The following NKAIN3 variants were observed in gnomAD, a reference collection of about 807,000 sequenced individuals.
The protein encoded by NKAIN3 is sodium/potassium-transporting ATPase subunit beta-1-interacting protein 3.
Under a neutral mutation model 30.2 loss-of-function variants are expected in NKAIN3, and 25 were observed. The ratio of observed to expected loss-of-function variants is 0.83; its 90% CI spans 0.60 to 1.16. The LOEUF (loss-of-function observed/expected upper bound fraction) is 1.16, where lower values mean the gene tolerates loss of function less well. NKAIN3 is among the 50% of genes most tolerant of loss of function. NKAIN3 has a pLI of 0.00. For synonymous variants in NKAIN3, 91 were observed against 89.6 expected, an observed-to-expected ratio of 1.02 and a Z score of -0.09; for missense variants, 225 against 254.1, an observed-to-expected ratio of 0.89 and a Z score of 0.78.
chr8:62,254,621 T>C (rs1006850536), intron 1 of NKAIN3, among the ~76,000 whole-genome samples: 13 of 95,432 alleles, frequency 1.4e-4, no homozygotes, highest in Non-Finnish European at 2.7e-4. Flanking sequence ...TCAAATTATA[T>C]CTTTTGATTT....
rs180791990 is a variant in NKAIN3 at position 62,974,764 on chromosome 8, T to C, written c.*9357T>C. On this transcript the variant is annotated 3_prime_UTR_variant, in exon 7 of 7. Transcript: ENST00000623646. ...CAGTTTTCAAAGGGAGTGCTTCCAG[T>C]TTTTGCCCATTCAGTGTGATATTGG... 6.6e-6 allele frequency among the ~76,000 whole-genome samples: 1 copy of C among 152,142 alleles called. No homozygotes were observed. The highest frequency in any genetic ancestry group is 2.4e-5 in the African/African-American group (1 of 41,412).
At chr8:62,294,584 A>G (rs929248289) in intron 1 of NKAIN3, among the ~76,000 whole-genome samples, 3 of 152,168 alleles carry the variant, frequency 2.0e-5, no homozygotes, top group African/African-American at 4.8e-5. Flanking sequence ...GCCTTACTCT[A>G]TCACCCAGAT....
chr8:62,403,621 C>T (rs565736526), intron 1 of NKAIN3, among the ~76,000 whole-genome samples: 63 of 152,312 alleles, frequency 4.1e-4, no homozygotes, highest in Admixed American at 1.5e-3. Flanking sequence ...TGAGGGTGCA[C>T]AGAAGACAAG....
chr8:62,928,338 CTCTCTCTT>C (rs1181179551), intron 5 of NKAIN3, among the ~76,000 whole-genome samples: 1 of 152,184 alleles, frequency 6.6e-6, no homozygotes, highest in African/African-American at 2.4e-5. Context: ...CTCTCTCCCT[CTCTCTCTT>C]TCTCGCTGAT....
At chr8:62,349,142 T>C (rs56864965) in intron 1 of NKAIN3, among the ~76,000 whole-genome samples, 5,957 of 152,274 alleles carry the variant, frequency 0.039, 422 homozygotes, top group African/African-American at 0.14. Flanking sequence ...CATTAGTTCT[T>C]GGGACTATTG....
At chr8:62,314,730 G>A (rs1020281163) in intron 1 of NKAIN3, among the ~76,000 whole-genome samples, 1 of 152,144 alleles carries the variant, frequency 6.6e-6, no homozygotes, top group African/African-American at 2.4e-5. Context: ...TGCCCTTGTG[G>A]TGTTTACGTC....
intron 3 of NKAIN3, among the ~76,000 whole-genome samples, chr8:62,628,341 C>G (rs1811851147): frequency 6.6e-6 from 1 of 152,124 alleles, no homozygotes. Context: ...TATTGATGTA[C>G]TAAAGTTTTC....
intron 4 of NKAIN3, among the ~76,000 whole-genome samples, chr8:62,867,259 T>C (rs1820455950): frequency 6.6e-6 from 1 of 152,180 alleles, no homozygotes; most frequent in South Asian, 2.1e-4. Flanking sequence ...CATCATGTCA[T>C]ATCAGGCAAT....
intron 4 of NKAIN3, among the ~76,000 whole-genome samples, chr8:62,765,170 C>G (rs776919161): frequency 4.3e-5 from 6 of 141,106 alleles, no homozygotes; most frequent in Non-Finnish European, 7.5e-5. Flanking sequence ...TCGTGTGAAC[C>G]CGGGAGGCGG....
At chr8:62,507,329 AG>A (rs1807674186) in intron 1 of NKAIN3, among the ~76,000 whole-genome samples, 1 of 152,202 alleles carries the variant, frequency 6.6e-6, no homozygotes, top group African/African-American at 2.4e-5. Context: ...CAACGTAATC[AG>A]TACCTCAGCA....
At chr8:62,642,043 T>G (rs1812324366) in intron 3 of NKAIN3, among the ~76,000 whole-genome samples, 1 of 152,066 alleles carries the variant, frequency 6.6e-6, no homozygotes, top group African/African-American at 2.4e-5. Flanking sequence ...AATCAGACCA[T>G]GCAACCGCAC....
chr8:62,577,060 G>C (rs958049010), intron 1 of NKAIN3, among the ~76,000 whole-genome samples: 12 of 152,030 alleles, frequency 7.9e-5, no homozygotes, highest in African/African-American at 2.9e-4. Flanking sequence ...AAGGCTTGTT[G>C]TTTTTAGTTA....
intron 4 of NKAIN3, among the ~76,000 whole-genome samples, chr8:62,870,701 ATC>A (rs1491223404): frequency 1.0e-4 from 14 of 139,806 alleles, no homozygotes; most frequent in South Asian, 4.2e-4. Flanking sequence ...CTATCTATAT[ATC>A]TATATATCTA....
intron 1 of NKAIN3, among the ~76,000 whole-genome samples, chr8:62,287,006 G>A (rs970612426): frequency 1.3e-5 from 2 of 151,266 alleles, no homozygotes; most frequent in East Asian, 4.0e-4. Context: ...TATTTCAACT[G>A]GGGCATGGAA....
intron 1 of NKAIN3, among the ~76,000 whole-genome samples, chr8:62,307,390 C>T (rs533397764): frequency 6.7e-6 from 1 of 149,936 alleles, no homozygotes; most frequent in Non-Finnish European, 1.5e-5. Context: ...CTCTTTATCC[C>T]CTCCTCTGTC....
intron 1 of NKAIN3, among the ~76,000 whole-genome samples, chr8:62,267,380 T>G (rs371132161): frequency 3.3e-5 from 5 of 152,184 alleles, no homozygotes; most frequent in South Asian, 4.1e-4. Flanking sequence ...ATGGTAAAAT[T>G]TCAGTGTTTT....
At chr8:62,899,008 T>C (rs1228572780) in intron 4 of NKAIN3, among the ~76,000 whole-genome samples, 1 of 152,142 alleles carries the variant, frequency 6.6e-6, no homozygotes, top group African/African-American at 2.4e-5. Flanking sequence ...ATCAGAGAAA[T>C]GCAAATCAAA....
At chr8:62,421,399 C>G (rs1486746697) in intron 1 of NKAIN3, among the ~76,000 whole-genome samples, 1 of 152,160 alleles carries the variant, frequency 6.6e-6, no homozygotes, top group Non-Finnish European at 1.5e-5. Context: ...CCTGTCTTAA[C>G]TGTTTCCTCC....
chr8:62,773,727 C>T (rs964290081), intron 4 of NKAIN3, among the ~76,000 whole-genome samples: 1 of 152,146 alleles, frequency 6.6e-6, no homozygotes, highest in Non-Finnish European at 1.5e-5. Flanking sequence ...CCATATAAGA[C>T]ATGCCTTTGC....
Sources: allele counts gnomAD v4.1 joint callset (sites outside exome capture counted in the v4.1 genomes callset), GRCh38; gene constraint gnomAD v4.1.1; transcripts MANE v1.5; gene names NCBI Gene and HGNC (gene_info 2026-07-23, HGNC 2026-07-21).